The following MEGF10 variants were observed in gnomAD, a reference collection of about 807,000 sequenced individuals.
The protein encoded by MEGF10 is multiple epidermal growth factor-like domains protein 10.
Under a neutral mutation model 147.5 loss-of-function variants are expected in MEGF10, and 86 were observed. The ratio of observed to expected loss-of-function variants is 0.58; its 90% CI spans 0.49 to 0.70. MEGF10 has a LOEUF of 0.70. MEGF10 is among the 30% of genes least tolerant of loss of function. The probability of loss-of-function intolerance (pLI) is 0.00; values close to 1 mark genes in which losing one functional copy is unlikely to be tolerated. For synonymous variants in MEGF10, 478 were observed against 525.5 expected (o/e 0.91, Z 1.24); for missense variants, 1,329 against 1,487.3 (o/e 0.89, Z 1.75).
At chr5:127,364,289 C>T (rs1405483231) in intron 4 of MEGF10, among the ~76,000 whole-genome samples, 1 of 152,168 alleles carries the variant, frequency 6.6e-6, no homozygotes, top group Non-Finnish European at 1.5e-5. Flanking sequence ...TAACCCACAG[C>T]CCTAGACAAC....
chr5:127,436,211 A>G (rs983475178), intron 16 of MEGF10, among the ~76,000 whole-genome samples: 1 of 152,218 alleles, frequency 6.6e-6, no homozygotes, highest in Non-Finnish European at 1.5e-5. Flanking sequence ...CATAAGAGAA[A>G]TCAAAGAATG....
chr5:127,325,286 T>C (rs1019011628), intron 1 of MEGF10, among the ~76,000 whole-genome samples: 10 of 152,194 alleles, frequency 6.6e-5, no homozygotes, highest in Non-Finnish European at 1.3e-4. Context: ...AATTTTTTCC[T>C]TAGTAGATTT....
chr5:127,358,427 A>G (rs918964752), intron 4 of MEGF10, among the ~76,000 whole-genome samples: 4 of 152,234 alleles, frequency 2.6e-5, no homozygotes, highest in African/African-American at 9.6e-5. Flanking sequence ...GCAAAATGAC[A>G]GCAAGATGAA....
the MEGF10 span, among the ~76,000 whole-genome samples, chr5:127,243,580 C>T: frequency 3.3e-5 from 5 of 152,090 alleles, no homozygotes; most frequent in East Asian, 9.6e-4. Flanking sequence ...TCTTTTGTAA[C>T]AAAGATGGTA....
At chr5:127,371,994 C>T (rs533957187) in intron 5 of MEGF10, among the ~76,000 whole-genome samples, 3 of 152,268 alleles carry the variant, frequency 2.0e-5, no homozygotes, top group Admixed American at 1.3e-4. Flanking sequence ...ATAGGTCTTG[C>T]TATCTGGGTT....
intron 11 of MEGF10, among the ~76,000 whole-genome samples, chr5:127,419,623 A>C (rs769979561): frequency 3.9e-5 from 6 of 152,140 alleles, no homozygotes; most frequent in Non-Finnish European, 7.4e-5. Flanking sequence ...CTGGATATAC[A>C]CAGTTGCTGG....
chr5:127,412,159 T>C (rs1359400616), intron 9 of MEGF10, among the ~76,000 whole-genome samples: 1 of 152,218 alleles, frequency 6.6e-6, no homozygotes, highest in Non-Finnish European at 1.5e-5. Context: ...TTTTTGACAA[T>C]TACATAGATC....
intron 12 of MEGF10, 22 bp downstream of exon 12, chr5:127,420,229 G>C: frequency 6.2e-7 from 1 of 1,609,488 alleles, no homozygotes; most frequent in Non-Finnish European, 8.5e-7. Context: ...TCAGCGCCCT[G>C]ACGGAAAACG....
At chr5:127,235,191 T>C in the MEGF10 span, among the ~76,000 whole-genome samples, 29 of 152,318 alleles carry the variant, frequency 1.9e-4, no homozygotes, top group African/African-American at 6.7e-4. Flanking sequence ...TATAACTGCA[T>C]TGTCCTATAC....
At chr5:127,254,667 C>T in the MEGF10 span, among the ~76,000 whole-genome samples, 150 of 151,170 alleles carry the variant, frequency 9.9e-4, no homozygotes, top group Non-Finnish European at 1.7e-3. Context: ...AAAAATTAGC[C>T]GGGTGTGGTG....
Position 127,422,762 on chromosome 5 carries a change from CG to C in MEGF10, c.1685del (p.Gly562AspfsTer187). ...CCACGGGCCATTGCCGCTGCCTCCC[CG>C]GATGGTCAGGTGAGAGCCAAGGACC... Reference protein sequence around the residue: ...PTTGHCRCLPGWSGVHCDSVC... With the variant: ...PTTGHCRCLPXWSGVHCDSVC... On this transcript the variant is annotated frameshift_variant, in exon 13 of 25. Transcript: ENST00000503335. LOFTEE classifies it high-confidence loss of function. 6.2e-7 allele frequency: 1 copy of C among 1,613,634 alleles called. No homozygotes were observed.
chr5:127,327,714 CTTT>C (rs11285616), intron 1 of MEGF10, among the ~76,000 whole-genome samples: 24 of 122,902 alleles, frequency 2.0e-4, no homozygotes, highest in Non-Finnish European at 2.0e-4. Context: ...CTTTTCTTTT[CTTT>C]TTTTTTTTTT....
chr5:127,246,672 AAACT>A, the MEGF10 span, among the ~76,000 whole-genome samples: 2 of 150,544 alleles, frequency 1.3e-5, no homozygotes, highest in Non-Finnish European at 2.9e-5. Context: ...TGTGGTTGTG[AAACT>A]AAGTGAAATT....
At chr5:127,349,931 G>T (rs1242963794) in intron 4 of MEGF10, among the ~76,000 whole-genome samples, 2 of 152,046 alleles carry the variant, frequency 1.3e-5, no homozygotes, top group Non-Finnish European at 2.9e-5. Flanking sequence ...TGGTCATTGA[G>T]ATATGTAAAT....
intron 7 of MEGF10, among the ~76,000 whole-genome samples, chr5:127,402,144 A>G (rs957694448): frequency 3.3e-5 from 5 of 152,226 alleles, no homozygotes; most frequent in African/African-American, 1.2e-4. Flanking sequence ...AGATGTTGCC[A>G]TTTATGTAAC....
At chr5:127,352,204 AG>A (rs1762110573) in intron 4 of MEGF10, among the ~76,000 whole-genome samples, 1 of 152,186 alleles carries the variant, frequency 6.6e-6, no homozygotes, top group Non-Finnish European at 1.5e-5. Context: ...CTGTCCAGAC[AG>A]GTTGTAACAA....
intron 7 of MEGF10, 69 bp from the exon 8 acceptor site, chr5:127,402,477 T>G (rs1036963156): frequency 1.2e-5 from 18 of 1,535,144 alleles, no homozygotes; most frequent in Non-Finnish European, 1.3e-5. Flanking sequence ...CTCTCTTTTC[T>G]TCTTCATCCA....
At chr5:127,280,576 T>C in the MEGF10 span, among the ~76,000 whole-genome samples, 1 of 152,158 alleles carries the variant, frequency 6.6e-6, no homozygotes, top group Non-Finnish European at 1.5e-5. Flanking sequence ...TGCATTCCCG[T>C]TTGTATTTGA....
chr5:127,382,266 C>T (rs1446302358), intron 5 of MEGF10, among the ~76,000 whole-genome samples: 1 of 152,118 alleles, frequency 6.6e-6, no homozygotes. Flanking sequence ...TAATATTTGT[C>T]CTAGTTATAT....
Sources: allele counts gnomAD v4.1 joint callset (sites outside exome capture counted in the v4.1 genomes callset), GRCh38; gene constraint gnomAD v4.1.1; transcripts MANE v1.5; gene names NCBI Gene and HGNC (gene_info 2026-07-23, HGNC 2026-07-21).